The following HYCC2 variants were observed in gnomAD, a reference collection of about 807,000 sequenced individuals.
HYCC2 encodes the protein hyccin PI4KA lipid kinase complex subunit 2.
the HYCC2 span, among the ~76,000 whole-genome samples, chr2:201,061,880 C>G: frequency 6.6e-6 from 1 of 151,962 alleles, no homozygotes; most frequent in African/African-American, 2.4e-5. Context: ...CCAAGGCAGG[C>G]AGATCACTTG....
chr2:201,045,845 A>G, the HYCC2 span, among the ~76,000 whole-genome samples: 1 of 152,222 alleles, frequency 6.6e-6, no homozygotes, highest in East Asian at 1.9e-4. Flanking sequence ...TAAGACCTTG[A>G]GTAGATTACT....
chr2:200,986,418 A>T, the HYCC2 span, among the ~76,000 whole-genome samples: 1 of 152,270 alleles, frequency 6.6e-6, no homozygotes, highest in Admixed American at 6.5e-5. Context: ...ATAAATAAGT[A>T]TAAAGGTTCC....
chr2:201,009,385 C>CA, the HYCC2 span: 1 of 239,064 alleles, frequency 4.2e-6, no homozygotes, highest in Admixed American at 4.9e-5. Flanking sequence ...AAAATACATC[C>CA]ATTTTAATGT....
At chr2:201,017,173 A>G in the HYCC2 span, 3 of 1,609,604 alleles carry the variant, frequency 1.9e-6, no homozygotes, top group Non-Finnish European at 1.7e-6. Context: ...TCCAGGAGCT[A>G]AAAGGAAAAT....
At chr2:201,025,064 G>A in the HYCC2 span, among the ~76,000 whole-genome samples, 3 of 152,274 alleles carry the variant, frequency 2.0e-5, no homozygotes, top group African/African-American at 7.2e-5. Context: ...ACTGAGCCAT[G>A]TTCACACCAC....
the HYCC2 span, among the ~76,000 whole-genome samples, chr2:201,061,103 T>C: frequency 6.6e-5 from 10 of 151,552 alleles, no homozygotes; most frequent in Non-Finnish European, 7.4e-5. Flanking sequence ...TAATGGAAGA[T>C]GTTCAACTAG....
At chr2:201,063,172 G>C in the HYCC2 span, 1 of 1,609,986 alleles carries the variant, frequency 6.2e-7, no homozygotes, top group Non-Finnish European at 8.5e-7. Context: ...CAACCGATGA[G>C]AGCCTGAGGA....
At chr2:201,018,508 T>C in the HYCC2 span, among the ~76,000 whole-genome samples, 4 of 152,218 alleles carry the variant, frequency 2.6e-5, no homozygotes, top group African/African-American at 9.6e-5. Flanking sequence ...GTCATGATTA[T>C]AAAAAGTTAA....
At chr2:201,064,484 T>C in the HYCC2 span, among the ~76,000 whole-genome samples, 3 of 152,274 alleles carry the variant, frequency 2.0e-5, no homozygotes, top group African/African-American at 7.2e-5. Flanking sequence ...CAGGTTCTAT[T>C]TGGAATTTAT....
At chr2:201,062,883 T>C in the HYCC2 span, among the ~76,000 whole-genome samples, 4 of 149,066 alleles carry the variant, frequency 2.7e-5, no homozygotes, top group African/African-American at 4.9e-5. Flanking sequence ...TAAACATATA[T>C]ATACGGCAAC....
At chr2:201,008,161 A>G in the HYCC2 span, among the ~76,000 whole-genome samples, 2 of 152,300 alleles carry the variant, frequency 1.3e-5, no homozygotes, top group East Asian at 3.9e-4. Flanking sequence ...AAGTGAGGGC[A>G]ATTTTGCAAC....
At chr2:201,023,226 G>A in the HYCC2 span, among the ~76,000 whole-genome samples, 1 of 152,014 alleles carries the variant, frequency 6.6e-6, no homozygotes, top group Non-Finnish European at 1.5e-5. Flanking sequence ...GCGGGTGCCT[G>A]TAATCCCAGC....
chr2:201,035,846 T>C, the HYCC2 span, among the ~76,000 whole-genome samples: 5 of 152,314 alleles, frequency 3.3e-5, no homozygotes, highest in African/African-American at 1.2e-4. Flanking sequence ...TGCAGGTCTG[T>C]TGGAGTTTGC....
chr2:201,024,143 T>A, the HYCC2 span: 1 of 612,320 alleles, frequency 1.6e-6, no homozygotes, highest in East Asian at 2.9e-5. Context: ...TACTATACAT[T>A]TTAGATAAGG....
the HYCC2 span, chr2:201,023,749 T>C: frequency 1.0e-5 from 4 of 400,086 alleles, 1 homozygote; most frequent in South Asian, 2.4e-4. Context: ...CATCTTTATG[T>C]ATCACCTTCT....
chr2:201,055,399 A>C, the HYCC2 span, among the ~76,000 whole-genome samples: 2 of 151,758 alleles, frequency 1.3e-5, no homozygotes, highest in East Asian at 1.9e-4. Context: ...AAAAAAAAAA[A>C]CAAACACTAA....
At chr2:201,006,474 G>A in the HYCC2 span, among the ~76,000 whole-genome samples, 151 of 151,778 alleles carry the variant, frequency 9.9e-4, no homozygotes, top group Non-Finnish European at 1.4e-3. Context: ...TTTGCAATGT[G>A]GGAAATACAT....
At chr2:201,005,402 T>C in the HYCC2 span, among the ~76,000 whole-genome samples, 1 of 152,158 alleles carries the variant, frequency 6.6e-6, no homozygotes. Flanking sequence ...CTTTTCCACA[T>C]CACCTCAACA....
At chr2:201,002,274 A>G in the HYCC2 span, among the ~76,000 whole-genome samples, 1 of 147,588 alleles carries the variant, frequency 6.8e-6, no homozygotes, top group Non-Finnish European at 1.5e-5. Context: ...CTCTCCCACC[A>G]ATCAGCCAAA....
Sources: allele counts gnomAD v4.1 joint callset (sites outside exome capture counted in the v4.1 genomes callset), GRCh38; gene constraint gnomAD v4.1.1; transcripts MANE v1.5; gene names NCBI Gene and HGNC (gene_info 2026-07-23, HGNC 2026-07-21).